TACR2: variants seen among roughly 807,000 people sequenced by gnomAD.
TACR2 encodes the protein tachykinin receptor 2, also known as substance-K receptor.
TACR2 carries 24 observed loss-of-function variants against 28.9 expected under a neutral mutation model. The ratio of observed to expected loss-of-function variants is 0.83; its 90% CI spans 0.60 to 1.17. The LOEUF is 1.17. Ranked by LOEUF, TACR2 falls within the 50% of genes most tolerant of loss-of-function variation. The pLI, the probability that TACR2 is intolerant of heterozygous loss-of-function variation, is 0.00. For synonymous variants in TACR2, 222 were observed against 212.6 expected, an observed-to-expected ratio of 1.04 and a Z score of -0.38; for missense variants, 487 against 524.4, an observed-to-expected ratio of 0.93 and a Z score of 0.70.
chr10:69,407,498 G>A (rs538046543), intron 3 of TACR2, among the ~76,000 whole-genome samples: 18 of 152,266 alleles, frequency 1.2e-4, no homozygotes, highest in African/African-American at 4.1e-4. Flanking sequence ...TGCCCATACT[G>A]CCATCCTTCC....
chr10:69,404,897 G>T lies in TACR2; in HGVS notation c.1126C>A (p.Pro376Thr), dbSNP rs147978781. The change falls in exon 5 of 5, where the codon CCC becomes ACC. Residue 376 changes from proline (P) to threonine (T), a missense_variant. By Grantham distance (38) the Pro-to-Thr change is conservative (BLOSUM62 -1). Coordinates refer to ENST00000373306, the MANE Select transcript of TACR2 (RefSeq NM_001057.3). ...AACCATAGCCCTGATCCATCCTGGGGACGCCCCGCCTCCCCACTGGTAGCC... is the reference window on the plus strand; with the variant it reads ...AACCATAGCCCTGATCCATCCTGGGTACGCCCCGCCTCCCCACTGGTAGCC... ...SEATSGEAGRPQDGSGLWFGY... is the reference protein window; with the variant it reads ...SEATSGEAGRTQDGSGLWFGY... 209 of 1,613,750 alleles carry T rather than the reference G, an allele frequency of 1.3e-4. No homozygotes were observed. In the African/African-American group the frequency reaches 2.4e-3, roughly 19 times the overall value.
Position 69,407,073 on chromosome 10 carries a change from T to C in TACR2, c.938+11A>G. ...CTGAGGGCAGAGGGTGGGGCTGGAG[T>C]GGGGGCTCACCTGTGGTTGAGACAG... On this transcript the variant is annotated intron_variant, in intron 4 of 4. Transcript: ENST00000373306. 2 of 1,611,064 alleles carry C rather than the reference T, an allele frequency of 1.2e-6. No individual in the cohort carries two copies. Among genetic ancestry groups the C allele is most frequent in the Non-Finnish European group, 1.7e-6 (2 of 1,178,870 alleles).
rs1433081691 is a variant in TACR2, at chr10:69,409,930, T to C, written c.588-855A>G. The stretch of plus-strand genomic sequence containing the variant: ...ATATATATATATATATATATATATA[T>C]ATATATATATATAATCTGTATCTGT... On this transcript the variant is annotated intron_variant, in intron 2 of 4. Coordinates refer to ENST00000373306, the MANE Select transcript of TACR2 (RefSeq NM_001057.3). Among the ~76,000 whole-genome samples, 35 of 95,266 alleles carry C rather than the reference T, an allele frequency of 3.7e-4. No homozygotes were observed. The Middle Eastern group carries it at 0.016, about 44-fold the overall frequency. 62.5% of individuals were successfully genotyped at this position (95,266 alleles called of 152,430 possible). A position where few individuals can be genotyped will look rare whatever the true frequency, so the allele number is the denominator to read the frequency against.
chr10:69,411,697 A>T (rs1049687755), intron 2 of TACR2, among the ~76,000 whole-genome samples: 1 of 152,294 alleles, frequency 6.6e-6, no homozygotes, highest in Admixed American at 6.5e-5. Flanking sequence ...GGAACAGAAG[A>T]CAGCGAGAAA....
At position 69,404,504 on chromosome 10, in the gene TACR2, A is replaced by G. The variant is rs1840483759; in HGVS notation, c.*322T>C. 4.7e-6 allele frequency: 1 copy of G among 211,806 alleles called. No individual in the cohort carries two copies. Among genetic ancestry groups the G allele is most frequent in the Non-Finnish European group, 9.3e-6 (1 of 107,816 alleles). 13.1% of individuals were successfully genotyped at this position (211,806 alleles called of 1,614,324 possible). A position where few individuals can be genotyped will look rare whatever the true frequency, so the allele number is the denominator to read the frequency against. On this transcript the variant is annotated 3_prime_UTR_variant, in exon 5 of 5. Coordinates refer to ENST00000373306, the MANE Select transcript of TACR2 (RefSeq NM_001057.3). ...GGTAATTTATAAAGAAAAGAGGTTT[A>G]TTTGGCTCATGATTCTGGTGGCTGG... is the stretch of plus-strand genomic sequence containing the variant.
chr10:69,412,705 C>T (rs1840579481), intron 2 of TACR2, among the ~76,000 whole-genome samples: 1 of 152,202 alleles, frequency 6.6e-6, no homozygotes, highest in Non-Finnish European at 1.5e-5. Flanking sequence ...GAGGCCATCT[C>T]TAAGTCCTTC....
chr10:69,410,354 T>TA (rs79989335), intron 2 of TACR2, among the ~76,000 whole-genome samples: 24,247 of 150,864 alleles, frequency 0.16, 2,209 homozygotes, highest in Non-Finnish European at 0.2. Context: ...CTATCTCTAT[T>TA]AAAAAAAATT....
intron 1 of TACR2, among the ~76,000 whole-genome samples, 167 bp downstream of exon 1, chr10:69,415,765 A>G (rs376436983): frequency 2.6e-5 from 4 of 152,176 alleles, no homozygotes; most frequent in South Asian, 2.1e-4. Flanking sequence ...TCAGCTCCAC[A>G]GTCCCCCTGC....
chr10:69,405,122 G>C, intron 4 of TACR2, 38 bp from the exon 5 acceptor site: 1 of 1,568,084 alleles, frequency 6.4e-7, no homozygotes, highest in Non-Finnish European at 8.7e-7. Context: ...AGGGAGTTAG[G>C]GGCTCAGGAG....
At chr10:69,410,282 C>T (rs577464678) in intron 2 of TACR2, among the ~76,000 whole-genome samples, 92 of 151,796 alleles carry the variant, frequency 6.1e-4, no homozygotes, top group African/African-American at 2.0e-3. Flanking sequence ...TTTGGGAGAC[C>T]AGGATGGGAG....
rs1029202081 is a variant in TACR2, at chr10:69,406,983, G to C, written c.938+101C>G. 13 of 1,264,834 alleles carry C rather than the reference G, an allele frequency of 1.0e-5. No homozygotes were observed. In the African/African-American group the frequency reaches 1.7e-4, roughly 16 times the overall value. 78.4% of individuals were successfully genotyped at this position (1,264,834 alleles called of 1,614,324 possible). On this transcript the variant is annotated intron_variant, in intron 4 of 4. Transcript: ENST00000373306. ...CTGGGGGCACAGGGCCACAGGTTCC[G>C]GCAGGAATGAGGATGGATGCTTGAG... is the stretch of plus-strand genomic sequence containing the variant.
At chr10:69,409,880 T>C (rs528452523) in intron 2 of TACR2, among the ~76,000 whole-genome samples, 737 of 33,512 alleles carry the variant, frequency 0.022, 6 homozygotes, top group Middle Eastern at 0.076. Context: ...TATATATATA[T>C]ACATATATAC....
chr10:69,412,356 A>G (rs1432331533), intron 2 of TACR2, among the ~76,000 whole-genome samples: 1 of 152,066 alleles, frequency 6.6e-6, no homozygotes, highest in Non-Finnish European at 1.5e-5. Flanking sequence ...AGGCGCTCCT[A>G]GACTCCCTGA....
chr10:69,411,914 C>T (rs1474621513), intron 2 of TACR2, among the ~76,000 whole-genome samples: 1 of 152,190 alleles, frequency 6.6e-6, no homozygotes, highest in East Asian at 1.9e-4. Context: ...TCACCACAAC[C>T]TCCACCTCCC....
At position 69,407,263 on chromosome 10, in the gene TACR2, C is replaced by T. The variant is rs1332935976; in HGVS notation, c.759G>A (p.Val253=). 6 of 1,612,456 alleles carry T rather than the reference C, an allele frequency of 3.7e-6. No individual in the cohort carries two copies. The highest frequency in any genetic ancestry group is 5.1e-6 in the Non-Finnish European group (6 of 1,179,200). ...AGATGGCAAACGTCAGCACCACCAG[C>T]ACCATGGTCTTCACAAACTGGTCCA... ...QAMKKFVKTM[V]LVVLTFAICW... Residue 253 remains valine, a synonymous_variant, in exon 4 of 5, where the codon GTG becomes GTA. Transcript: ENST00000373306.
intron 3 of TACR2, 143 bp from the exon 4 acceptor site, chr10:69,407,423 A>G (rs1840513048): frequency 2.4e-6 from 2 of 826,716 alleles, no homozygotes; most frequent in Non-Finnish European, 3.7e-6. Context: ...CAGGCCTCTG[A>G]GCATGTTTTG....
chr10:69,413,553 G>A (rs1840586329), intron 2 of TACR2, among the ~76,000 whole-genome samples: 1 of 152,346 alleles, frequency 6.6e-6, no homozygotes, highest in African/African-American at 2.4e-5. Flanking sequence ...CAGGGAGGGG[G>A]CAGAGACCCT....
Position 69,409,014 on chromosome 10 carries a change from A to G in TACR2, c.649T>C (p.Tyr217His). 6.2e-7 allele frequency: 1 copy of G among 1,608,260 alleles called. No homozygotes were observed. The highest frequency in any genetic ancestry group is 1.1e-5 in the South Asian group (1 of 90,388). The change falls in exon 3 of 5, where the codon TAC becomes CAC. Residue 217 changes from tyrosine to histidine, a missense_variant. Physicochemically the swap from Tyr to His is moderately conservative, Grantham distance 83. Transcript: ENST00000373306. ...FLPLAVMFVA[Y>H]SVIGLTLWRR... Reference sequence around the variant, plus strand: ...CAGAGCGTGAGGCCGATGACGCTGTAGGCTACAAACATCACCGCGAGCGGC... The same window carrying G: ...CAGAGCGTGAGGCCGATGACGCTGTGGGCTACAAACATCACCGCGAGCGGC...
chr10:69,416,329 CT>C lies in TACR2; in HGVS notation c.-7del, dbSNP rs1188143930. On this transcript the variant is annotated 5_prime_UTR_variant, in exon 1 of 5. Coordinates refer to ENST00000373306, the MANE Select transcript of TACR2 (RefSeq NM_001057.3). ...ACAATGTCACAGGTCCCCATGGCTG[CT>C]TCTGGGTCTGGAACAAAGGACCTGG... 18 of 1,576,486 alleles carry C rather than the reference CT, an allele frequency of 1.1e-5. No individual in the cohort carries two copies. The highest frequency in any genetic ancestry group is 1.4e-5 in the Non-Finnish European group (16 of 1,157,718).
Sources: allele counts gnomAD v4.1 joint callset (sites outside exome capture counted in the v4.1 genomes callset), GRCh38; gene constraint gnomAD v4.1.1; transcripts MANE v1.5; gene names NCBI Gene and HGNC (gene_info 2026-07-23, HGNC 2026-07-21).